Variants in PTPRN2 observed in about 807,000 individuals in gnomAD.
PTPRN2 encodes the protein protein tyrosine phosphatase receptor type N2.
A neutral mutation model predicts 118.8 loss-of-function variants in PTPRN2; 74 were observed. The ratio of observed to expected loss-of-function variants is 0.62; its 90% CI spans 0.52 to 0.76. The LOEUF is 0.76. Ranked by LOEUF, PTPRN2 falls within the 30% of genes least tolerant of loss-of-function variation. The pLI is 0.00. For synonymous variants in PTPRN2, 641 were observed against 608.0 expected (o/e 1.05, Z -0.80); for missense variants, 1,481 against 1,394.4 (o/e 1.06, Z -0.99).
intron 16 of PTPRN2, among the ~76,000 whole-genome samples, chr7:157,595,788 G>T (rs979299738): frequency 6.6e-6 from 1 of 152,198 alleles, no homozygotes; most frequent in Non-Finnish European, 1.5e-5. Flanking sequence ...TGATTCAAAC[G>T]AGCACCCGGC....
chr7:158,243,133 C>A (rs1795991465), intron 3 of PTPRN2, among the ~76,000 whole-genome samples: 1 of 152,188 alleles, frequency 6.6e-6, no homozygotes, highest in Non-Finnish European at 1.5e-5. Context: ...AATAAGCTAA[C>A]CCAGGAAGCT....
intron 3 of PTPRN2, among the ~76,000 whole-genome samples, chr7:158,242,914 T>C (rs1167878962): frequency 6.6e-6 from 1 of 152,256 alleles, no homozygotes; most frequent in Non-Finnish European, 1.5e-5. Context: ...TCTTCTCTCA[T>C]TTCTCAGTCT....
At chr7:157,701,213 CA>C (rs1798050635) in intron 12 of PTPRN2, among the ~76,000 whole-genome samples, 1 of 152,058 alleles carries the variant, frequency 6.6e-6, no homozygotes, top group Non-Finnish European at 1.5e-5. Flanking sequence ...GAATCTCAAT[CA>C]ACACACAGGC....
intron 9 of PTPRN2, among the ~76,000 whole-genome samples, chr7:158,121,293 C>A (rs1326695573): frequency 1.3e-5 from 2 of 152,198 alleles, no homozygotes; most frequent in Non-Finnish European, 2.9e-5. Flanking sequence ...CCACTCCAAT[C>A]AGCAAAGACA....
At chr7:158,464,727 C>T (rs551033172) in intron 2 of PTPRN2, among the ~76,000 whole-genome samples, 79 of 151,452 alleles carry the variant, frequency 5.2e-4, no homozygotes, top group Admixed American at 3.0e-3. Flanking sequence ...TCCTTACCAT[C>T]GCCATCATTG....
intron 12 of PTPRN2, among the ~76,000 whole-genome samples, chr7:157,836,396 G>T (rs1224196741): frequency 6.6e-6 from 1 of 152,202 alleles, no homozygotes; most frequent in Admixed American, 6.5e-5. Flanking sequence ...GTATCCTAAA[G>T]AAACAGTAAG....
At chr7:157,725,708 C>T (rs1617204) in intron 12 of PTPRN2, among the ~76,000 whole-genome samples, 265 of 46,778 alleles carry the variant, frequency 5.7e-3, no homozygotes, top group East Asian at 0.02. Flanking sequence ...ACTGGATATC[C>T]ACATGCAGAG....
Position 158,587,626 on chromosome 7 carries a change from A to G in PTPRN2, c.44T>C (p.Leu15Pro), listed in dbSNP as rs938995039. ...GGCGGCAGGCAGGACGCGTGGCGGCAGCAGCAGCAGTAGCAGCAGCAGCAG... is the reference window on the plus strand; with the variant it reads ...GGCGGCAGGCAGGACGCGTGGCGGCGGCAGCAGCAGTAGCAGCAGCAGCAG... The part of the protein sequence containing the change: ...LPLLLLLLLL[L>P]PPRVLPAAPS... The change falls in exon 1 of 23, where the codon CTG (leucine) becomes CCG (proline). Residue 15 changes from leucine to proline, a missense_variant. Leu to Pro is a moderately conservative substitution (Grantham distance 98, BLOSUM62 -3). Coordinates refer to ENST00000389418, the MANE Select transcript of PTPRN2 (RefSeq NM_002847.5). The G allele has an allele frequency of 3.3e-5, 45 of 1,352,098 alleles. No homozygotes were observed. The highest frequency in any genetic ancestry group is 7.2e-5 in the Admixed American group (2 of 27,734). The allele number at this position is 1,352,098 out of a possible 1,614,324, so 83.8% of individuals were successfully genotyped here.
intron 2 of PTPRN2, among the ~76,000 whole-genome samples, chr7:158,457,794 C>G (rs144079581): frequency 6.7e-6 from 1 of 148,766 alleles, no homozygotes; most frequent in Non-Finnish European, 1.5e-5. Context: ...AGTCAGCGCA[C>G]GGTGAGGGGC....
intron 2 of PTPRN2, among the ~76,000 whole-genome samples, chr7:158,421,119 T>A (rs537412310): frequency 6.6e-6 from 1 of 152,314 alleles, no homozygotes; most frequent in Non-Finnish European, 1.5e-5. Context: ...GTGGCTCAGA[T>A]CTTCAGTCCA....
In PTPRN2 at chr7:158,139,493, G is replaced by A. The variant is rs550391238; in HGVS notation, c.911-978C>T. Among the ~76,000 whole-genome samples the A allele has an allele frequency of 1.7e-4, 24 of 141,876 alleles. No homozygotes were observed. The East Asian group carries it at 3.5e-3, about 21-fold the overall frequency. 93.1% of individuals were successfully genotyped at this position (141,876 alleles called of 152,430 possible). On this transcript the variant is annotated intron_variant, in intron 6 of 22. Coordinates refer to ENST00000389418, the MANE Select transcript of PTPRN2 (RefSeq NM_002847.5). Reference sequence around the variant, plus strand: ...CAAGCCGTCGGAGTCAGGAGGGCACGGGGGGGTGGGAAAGGAACCAGAAAC... The same window carrying A: ...CAAGCCGTCGGAGTCAGGAGGGCACAGGGGGGTGGGAAAGGAACCAGAAAC...
intron 1 of PTPRN2, among the ~76,000 whole-genome samples, chr7:158,556,612 G>C (rs1018675104): frequency 6.6e-6 from 1 of 152,160 alleles, no homozygotes; most frequent in East Asian, 1.9e-4. Context: ...TTTGATAGGT[G>C]AATGGAGATG....
chr7:158,435,250 AC>A (rs1816497820), intron 2 of PTPRN2, among the ~76,000 whole-genome samples: 1 of 152,214 alleles, frequency 6.6e-6, no homozygotes, highest in Admixed American at 6.5e-5. Flanking sequence ...CAACCCAATA[AC>A]CAAAAACAAA....
intron 2 of PTPRN2, among the ~76,000 whole-genome samples, chr7:158,347,464 T>C (rs574628784): frequency 9.2e-5 from 14 of 152,366 alleles, no homozygotes; most frequent in Middle Eastern, 3.4e-3. Flanking sequence ...GTGTCTATTT[T>C]GTTTTGTTGT....
chr7:158,312,219 CACAG>C (rs1484670475), intron 3 of PTPRN2, among the ~76,000 whole-genome samples: 4 of 147,450 alleles, frequency 2.7e-5, no homozygotes, highest in African/African-American at 1.1e-4. Flanking sequence ...CACACGTGCT[CACAG>C]ACACCCACAC....
At chr7:158,284,906 G>A (rs899017802) in intron 3 of PTPRN2, among the ~76,000 whole-genome samples, 12 of 152,194 alleles carry the variant, frequency 7.9e-5, no homozygotes, top group African/African-American at 2.4e-4. Context: ...GCTGGCACAC[G>A]CCGCCTGCCT....
intron 13 of PTPRN2, among the ~76,000 whole-genome samples, chr7:157,664,326 G>C (rs1173285675): frequency 1.3e-5 from 2 of 152,256 alleles, no homozygotes; most frequent in Non-Finnish European, 2.9e-5. Flanking sequence ...CATCAGACGA[G>C]AGCAGCCGCT....
chr7:158,414,004 G>A (rs2129417449), intron 2 of PTPRN2, among the ~76,000 whole-genome samples: 1 of 151,098 alleles, frequency 6.6e-6, no homozygotes, highest in East Asian at 1.9e-4. Flanking sequence ...GGAGGCGGAG[G>A]TTGCAGTGAG....
At chr7:158,248,773 C>A (rs535248893) in intron 3 of PTPRN2, among the ~76,000 whole-genome samples, 8 of 140,098 alleles carry the variant, frequency 5.7e-5, no homozygotes, top group South Asian at 4.8e-4. Flanking sequence ...ATGTGCACAT[C>A]GCACACATCA....
Sources: allele counts gnomAD v4.1 joint callset (sites outside exome capture counted in the v4.1 genomes callset), GRCh38; gene constraint gnomAD v4.1.1; transcripts MANE v1.5; gene names NCBI Gene and HGNC (gene_info 2026-07-23, HGNC 2026-07-21).